MARCHF10: variants seen among roughly 807,000 people sequenced by gnomAD.
MARCHF10 encodes probable E3 ubiquitin-protein ligase MARCHF10.
MARCHF10 carries 64 observed loss-of-function variants against 76.2 expected under a neutral mutation model. That is an observed-to-expected ratio of 0.84 (90% CI 0.69 to 1.03). The LOEUF (loss-of-function observed/expected upper bound fraction) is 1.03, where lower values mean the gene tolerates loss of function less well. Among genes scored for constraint, MARCHF10 ranks in the 50% least tolerant of loss-of-function variants. The pLI, the probability that MARCHF10 is intolerant of heterozygous loss-of-function variation, is 0.00. For synonymous variants in MARCHF10, 340 were observed against 357.5 expected, an observed-to-expected ratio of 0.95 and a Z score of 0.55; for missense variants, 875 against 958.0, an observed-to-expected ratio of 0.91 and a Z score of 1.14.
intron 3 of MARCHF10, among the ~76,000 whole-genome samples, chr17:62,785,882 T>C (rs188364291): frequency 2.6e-5 from 4 of 152,278 alleles, no homozygotes; most frequent in Admixed American, 2.6e-4. Context: ...AAACAACAGA[T>C]GCTAGAGAGG....
chr17:62,807,823 G>A lies in MARCHF10; in HGVS notation c.-18+254C>T, dbSNP rs77966758. Among the ~76,000 whole-genome samples, 122 of 152,270 alleles carry A rather than the reference G, an allele frequency of 8.0e-4. 2 individuals carry two copies. The East Asian group carries it at 0.021, about 26-fold the overall frequency. Reference sequence around the variant, plus strand: ...TCAGAAGCCCAGTGGGCCATGGTCTGTGTATACCTTTTCTGACCAGTGGCG... The same window carrying A: ...TCAGAAGCCCAGTGGGCCATGGTCTATGTATACCTTTTCTGACCAGTGGCG... On this transcript the variant is annotated intron_variant, in intron 1 of 10. Transcript: ENST00000311269.
intron 6 of MARCHF10, among the ~76,000 whole-genome samples, 153 bp from the exon 7 acceptor site, chr17:62,725,257 A>C (rs1413878409): frequency 6.6e-6 from 1 of 152,188 alleles, no homozygotes; most frequent in East Asian, 1.9e-4. Flanking sequence ...TTGATAACAC[A>C]GGCACAAATT....
At chr17:62,789,529 T>C (rs1362612885) in intron 2 of MARCHF10, among the ~76,000 whole-genome samples, 1 of 152,232 alleles carries the variant, frequency 6.6e-6, no homozygotes, top group South Asian at 2.1e-4. Flanking sequence ...TTTCCTATTG[T>C]AGGTAGTTGT....
intron 8 of MARCHF10, chr17:62,714,288 CTG>C: frequency 1.5e-6 from 1 of 662,878 alleles, no homozygotes; most frequent in South Asian, 6.7e-5. Context: ...CCACCGGACA[CTG>C]TGACTTTAGG....
intron 3 of MARCHF10, among the ~76,000 whole-genome samples, chr17:62,784,523 G>C (rs1370336100): frequency 2.6e-5 from 4 of 152,278 alleles, no homozygotes; most frequent in African/African-American, 7.2e-5. Flanking sequence ...GTTCTGGCCA[G>C]GGCAATCAGG....
Position 62,759,968 on chromosome 17 carries a change from T to A in MARCHF10, c.249A>T (p.Ser83=), listed in dbSNP as rs781635143. The A allele has an allele frequency of 1.2e-6, 2 of 1,614,154 alleles. No individual in the cohort carries two copies. The highest frequency in any genetic ancestry group is 1.7e-6 in the Non-Finnish European group (2 of 1,180,020). Residue 83 remains serine (S), a synonymous_variant, in exon 4 of 11, where the codon TCA becomes TCT. Transcript: ENST00000311269. ...ACTTAAATGCAGATATCTTGATAGATGACCTTGGTTCAGTTAGAGCATCCT... is the reference window on the plus strand; with the variant it reads ...ACTTAAATGCAGATATCTTGATAGAAGACCTTGGTTCAGTTAGAGCATCCT... ...SEEDALTEPR[S]SIKISAFKCD... is the part of the protein sequence containing the mutation.
chr17:62,751,158 C>T (rs898202127), intron 4 of MARCHF10, among the ~76,000 whole-genome samples: 4 of 152,166 alleles, frequency 2.6e-5, no homozygotes, highest in Admixed American at 1.3e-4. Context: ...CTGCTAACCT[C>T]GCTGGAGGCA....
chr17:62,733,481 TA>T (rs34882583), intron 6 of MARCHF10, among the ~76,000 whole-genome samples: 9,031 of 152,260 alleles, frequency 0.059, 301 homozygotes, highest in African/African-American at 0.093. Context: ...GTCAAGGATG[TA>T]TAACATTAGA....
intron 3 of MARCHF10, among the ~76,000 whole-genome samples, chr17:62,780,702 C>A (rs2092642285): frequency 6.6e-6 from 1 of 152,156 alleles, no homozygotes. Flanking sequence ...TACCTTTCTT[C>A]CCCATGAAGT....
Position 62,736,401 on chromosome 17 carries a change from C to T in MARCHF10, c.1467G>A (p.Leu489=). The T allele has an allele frequency of 1.9e-6, 3 of 1,614,156 alleles. No individual in the cohort carries two copies. The highest frequency in any genetic ancestry group is 2.5e-6 in the Non-Finnish European group (3 of 1,180,020). ...TGTGAACTGAAGTCGATGACATTGA[C>T]AAGTCTACTGGAATATCATCTCTCA... ...SALRDDIPVD[L]SMSSTSVHSS... The change falls in exon 6 of 11, where the codon TTG becomes TTA. Residue 489 remains leucine, a synonymous_variant. Coordinates refer to ENST00000311269, the MANE Select transcript of MARCHF10 (RefSeq NM_152598.4).
chr17:62,721,956 C>T (rs1599093072), intron 8 of MARCHF10, among the ~76,000 whole-genome samples: 1 of 152,154 alleles, frequency 6.6e-6, no homozygotes, highest in Admixed American at 6.5e-5. Context: ...TTGTTCCCAA[C>T]AGCAGGGCAA....
At chr17:62,762,634 C>T (rs2147964040) in intron 3 of MARCHF10, among the ~76,000 whole-genome samples, 1 of 152,240 alleles carries the variant, frequency 6.6e-6, no homozygotes, top group African/African-American at 2.4e-5. Flanking sequence ...GCAACCTCGA[C>T]CTCCCCGGTT....
chr17:62,737,619 G>C, intron 5 of MARCHF10: 1 of 416,044 alleles, frequency 2.4e-6, no homozygotes, highest in Middle Eastern at 6.6e-4. Flanking sequence ...GCCCCAGCCA[G>C]TCAGGACTGA....
At position 62,711,820 on chromosome 17, in the gene MARCHF10, T is replaced by TC. The variant is rs151143539; in HGVS notation, c.2215-477dup. On this transcript the variant is annotated intron_variant, in intron 8 of 10. Transcript: ENST00000311269. This position sits in a 1 kb window ranked among gnomAD's most constrained non-coding sequence, Gnocchi z 4.4. ...ATAACGTTCTCAGCAGTCACAGATG[T>TC]CCCCTTGTGAAAGGCTTCCTGAGGA... Among the ~76,000 whole-genome samples the TC allele has an allele frequency of 6.6e-6, 1 of 152,294 alleles. No homozygotes were observed. Among genetic ancestry groups the TC allele is most frequent in the African/African-American group, 2.4e-5 (1 of 41,562 alleles).
intron 5 of MARCHF10, among the ~76,000 whole-genome samples, chr17:62,739,039 C>T (rs139834254): frequency 0.025 from 3,787 of 152,282 alleles, 158 homozygotes; most frequent in African/African-American, 0.086. Flanking sequence ...TGGCTCACGC[C>T]TGTAATCCCA....
At chr17:62,733,118 T>C (rs902496320) in intron 6 of MARCHF10, among the ~76,000 whole-genome samples, 2 of 151,494 alleles carry the variant, frequency 1.3e-5, no homozygotes, top group South Asian at 4.2e-4. Flanking sequence ...GATATAAAGG[T>C]ATTTTAAAAT....
chr17:62,803,770 C>T (rs2093118625), intron 1 of MARCHF10, among the ~76,000 whole-genome samples: 1 of 152,152 alleles, frequency 6.6e-6, no homozygotes, highest in South Asian at 2.1e-4. Context: ...CCCACCTTGG[C>T]CTCCCAAAGT....
At chr17:62,716,412 T>C (rs1489072358) in intron 8 of MARCHF10, among the ~76,000 whole-genome samples, 1 of 145,532 alleles carries the variant, frequency 6.9e-6, no homozygotes, top group Non-Finnish European at 1.5e-5. Context: ...GGCAACAAAG[T>C]GAGACAGACC....
chr17:62,736,628 C>T lies in MARCHF10; in HGVS notation c.1240G>A (p.Gly414Ser). Residue 414 changes from glycine to serine, a missense_variant, in exon 6 of 11, where the codon GGT (glycine) becomes AGT (serine). Coordinates refer to ENST00000311269, the MANE Select transcript of MARCHF10 (RefSeq NM_152598.4). ...CTCCATACATTTTCAGCATTGACAC[C>T]AACCTCTTGTCTGGGCTCGGATTTG... The part of the protein sequence containing the change: ...DTKSEPRQEV[G>S]VNAENVWSDC... 6.2e-7 allele frequency: 1 copy of T among 1,614,148 alleles called. No individual in the cohort carries two copies. Among genetic ancestry groups the T allele is most frequent in the Non-Finnish European group, 8.5e-7 (1 of 1,180,032 alleles).
Sources: gnomAD v4.1 joint callset for allele counts (sites outside exome capture counted in the v4.1 genomes callset) on GRCh38, gnomAD v4.1.1 for gene constraint, Gnocchi (gnomAD v3.1) non-coding constraint, MANE v1.5 for transcripts, NCBI Gene and HGNC (gene_info 2026-07-23, HGNC 2026-07-21) for gene names.